PROS1: variants seen among roughly 807,000 people sequenced by gnomAD.
The protein encoded by PROS1 is protein S, also known as vitamin K-dependent protein S.
In PROS1, 29 loss-of-function variants were observed where a neutral mutation model predicts 75.9. The ratio of observed to expected loss-of-function variants is 0.38; its 90% CI spans 0.28 to 0.52. The LOEUF (loss-of-function observed/expected upper bound fraction) is 0.52, where lower values mean the gene tolerates loss of function less well. Ranked by LOEUF, PROS1 falls within the 20% of genes least tolerant of loss-of-function variation. PROS1 has a pLI of 0.83. For synonymous variants in PROS1, 245 were observed against 280.6 expected (o/e 0.87, Z 1.27); for missense variants, 680 against 810.3 (o/e 0.84, Z 1.95).
intron 1 of PROS1, among the ~76,000 whole-genome samples, chr3:93,945,282 G>C (rs1576208792): frequency 6.6e-6 from 1 of 152,230 alleles, no homozygotes; most frequent in Admixed American, 6.5e-5. Flanking sequence ...TAGAAAAAGA[G>C]GGAATCCTCC....
At chr3:93,949,582 T>C (rs753495982) in intron 1 of PROS1, among the ~76,000 whole-genome samples, 1 of 151,896 alleles carries the variant, frequency 6.6e-6, no homozygotes, top group Non-Finnish European at 1.5e-5. Context: ...TTTTAATATA[T>C]ACAGAAAATA....
chr3:93,938,243 C>A (rs1383872210), intron 1 of PROS1, among the ~76,000 whole-genome samples: 2 of 152,120 alleles, frequency 1.3e-5, no homozygotes, highest in Admixed American at 1.3e-4. Context: ...CACCTTGTAA[C>A]CCCCGCCCCT....
At chr3:93,967,619 C>T (rs556510526) in intron 1 of PROS1, among the ~76,000 whole-genome samples, 2 of 152,224 alleles carry the variant, frequency 1.3e-5, no homozygotes, top group African/African-American at 4.8e-5. Flanking sequence ...GGCATAGTGG[C>T]TCACACCTGT....
chr3:93,943,722 T>C (rs914395073), intron 1 of PROS1, among the ~76,000 whole-genome samples: 41 of 152,212 alleles, frequency 2.7e-4, no homozygotes, highest in African/African-American at 7.7e-4. Flanking sequence ...TCATATCCCC[T>C]GTGACCTGCA....
chr3:93,939,677 G>A (rs1709251340), intron 1 of PROS1, among the ~76,000 whole-genome samples: 1 of 152,094 alleles, frequency 6.6e-6, no homozygotes, highest in South Asian at 2.1e-4. Context: ...AGCAGTTAGT[G>A]TTTAGGCTCT....
intron 1 of PROS1, among the ~76,000 whole-genome samples, chr3:93,934,499 C>T (rs1371261379): frequency 6.6e-6 from 1 of 152,128 alleles, no homozygotes; most frequent in Non-Finnish European, 1.5e-5. Flanking sequence ...GATTTCTTCT[C>T]ATATTGTGTT....
chr3:93,890,143 C>T (rs566515909), intron 10 of PROS1, among the ~76,000 whole-genome samples: 6 of 152,078 alleles, frequency 3.9e-5, no homozygotes, highest in Non-Finnish European at 5.9e-5. Context: ...GACTGAAATA[C>T]GCCCGGGTCT....
At chr3:93,942,196 C>T (rs200092873) in intron 1 of PROS1, among the ~76,000 whole-genome samples, 6 of 152,216 alleles carry the variant, frequency 3.9e-5, no homozygotes, top group South Asian at 4.1e-4. Flanking sequence ...TTGAGGCTAC[C>T]GCTCTGCCCC....
chr3:93,925,821 TAAAAAAA>T (rs35893198), intron 2 of PROS1, among the ~76,000 whole-genome samples: 7 of 107,584 alleles, frequency 6.5e-5, no homozygotes, highest in Non-Finnish European at 1.9e-5. Flanking sequence ...AGACCCTGTC[TAAAAAAA>T]AAAAAAAAAA....
intron 1 of PROS1, among the ~76,000 whole-genome samples, chr3:93,959,077 C>T (rs1709658099): frequency 6.6e-6 from 1 of 152,164 alleles, no homozygotes; most frequent in African/African-American, 2.4e-5. Flanking sequence ...CAGTGGCTCA[C>T]ATCTGTAATC....
chr3:93,901,895 G>A (rs1341864295), intron 6 of PROS1, among the ~76,000 whole-genome samples: 2 of 152,134 alleles, frequency 1.3e-5, no homozygotes, highest in African/African-American at 4.8e-5. Context: ...AACTTCATGT[G>A]AATCTTTAAT....
intron 3 of PROS1, among the ~76,000 whole-genome samples, chr3:93,918,961 T>A (rs1475268322): frequency 6.6e-6 from 1 of 152,188 alleles, no homozygotes; most frequent in African/African-American, 2.4e-5. Flanking sequence ...CATCCTCTAA[T>A]TTTTTTCTCA....
chr3:93,945,091 C>A (rs1028104663), intron 1 of PROS1, among the ~76,000 whole-genome samples: 19 of 152,102 alleles, frequency 1.2e-4, no homozygotes, highest in African/African-American at 4.6e-4. Context: ...TTCTGGGACA[C>A]ATGCACCCTC....
At chr3:93,970,987 C>T (rs1313448683) in intron 1 of PROS1, among the ~76,000 whole-genome samples, 1 of 151,326 alleles carries the variant, frequency 6.6e-6, no homozygotes, top group Non-Finnish European at 1.5e-5. Flanking sequence ...CCGGTCTGGG[C>T]AAGATTTTTT....
At chr3:93,972,746 G>A (rs1158966170) in intron 1 of PROS1, among the ~76,000 whole-genome samples, 1 of 152,098 alleles carries the variant, frequency 6.6e-6, no homozygotes, top group African/African-American at 2.4e-5. Flanking sequence ...CTGCTCGGGA[G>A]GCTGAGGCAT....
chr3:93,972,021 T>C (rs1199679762), intron 1 of PROS1, among the ~76,000 whole-genome samples: 1 of 152,188 alleles, frequency 6.6e-6, no homozygotes, highest in East Asian at 1.9e-4. Flanking sequence ...ATAACAAGTG[T>C]AATTCCCCAT....
intron 10 of PROS1, among the ~76,000 whole-genome samples, chr3:93,890,113 T>C (rs907930523): frequency 6.6e-6 from 1 of 152,134 alleles, no homozygotes; most frequent in Non-Finnish European, 1.5e-5. Flanking sequence ...GCAGTGTCTG[T>C]CTTATGCAGT....
chr3:93,934,960 G>T (rs550199441), intron 1 of PROS1, among the ~76,000 whole-genome samples: 1 of 151,224 alleles, frequency 6.6e-6, no homozygotes, highest in Non-Finnish European at 1.5e-5. Flanking sequence ...TCACTCTGGC[G>T]TTGTTTCCAC....
chr3:93,884,691 T>C, intron 12 of PROS1, 37 bp downstream of exon 12: 1 of 1,569,594 alleles, frequency 6.4e-7, no homozygotes, highest in Non-Finnish European at 8.8e-7. Flanking sequence ...AATTTACTCA[T>C]TAATGAGAAA....
Sources: gnomAD v4.1 joint callset for allele counts (sites outside exome capture counted in the v4.1 genomes callset) on GRCh38, gnomAD v4.1.1 for gene constraint, MANE v1.5 for transcripts, NCBI Gene and HGNC (gene_info 2026-07-23, HGNC 2026-07-21) for gene names.